The following MCTP1 variants were observed in gnomAD, a reference collection of about 807,000 sequenced individuals.
MCTP1 encodes the protein multiple C2 and transmembrane domain-containing protein 1.
Under a neutral mutation model 120.6 loss-of-function variants are expected in MCTP1, and 69 were observed. That is an observed-to-expected ratio of 0.57 (90% CI 0.47 to 0.70). MCTP1 has a LOEUF of 0.70. Ranked by LOEUF, MCTP1 falls within the 30% of genes least tolerant of loss-of-function variation. The pLI, the probability that MCTP1 is intolerant of heterozygous loss-of-function variation, is 0.00. For synonymous variants in MCTP1, 529 were observed against 493.1 expected (o/e 1.07, Z -0.96); for missense variants, 1,203 against 1,248.8 (o/e 0.96, Z 0.55).
intron 12 of MCTP1, among the ~76,000 whole-genome samples, chr5:94,880,929 C>G (rs1186919810): frequency 2.0e-5 from 3 of 152,086 alleles, no homozygotes; most frequent in Non-Finnish European, 4.4e-5. Flanking sequence ...CAGCATCTAT[C>G]ACATAGGGAA....
chr5:95,254,666 G>A (rs1000885036), intron 1 of MCTP1, among the ~76,000 whole-genome samples: 13 of 152,076 alleles, frequency 8.5e-5, no homozygotes, highest in African/African-American at 2.9e-4. Context: ...AAAAGGTTAA[G>A]ACAATAAAAT....
At chr5:94,925,190 T>C (rs1051571324) in intron 6 of MCTP1, among the ~76,000 whole-genome samples, 1 of 152,112 alleles carries the variant, frequency 6.6e-6, no homozygotes, top group Non-Finnish European at 1.5e-5. Flanking sequence ...AGTCTAATGA[T>C]AATAACAATA....
At chr5:94,848,174 G>GCTACACTT (rs1473187537) in intron 17 of MCTP1, among the ~76,000 whole-genome samples, 1 of 152,060 alleles carries the variant, frequency 6.6e-6, no homozygotes, top group Non-Finnish European at 1.5e-5. Context: ...ATGTAAATCA[G>GCTACACTT]CTACACTTAA....
intron 1 of MCTP1, among the ~76,000 whole-genome samples, chr5:95,130,970 C>T (rs182268478): frequency 3.2e-4 from 49 of 152,038 alleles, no homozygotes; most frequent in Non-Finnish European, 6.3e-4. Flanking sequence ...AGGAAAATTC[C>T]GGGACACGTT....
intron 1 of MCTP1, among the ~76,000 whole-genome samples, chr5:95,277,416 AG>A (rs1759941239): frequency 2.0e-5 from 3 of 152,264 alleles, no homozygotes; most frequent in Non-Finnish European, 4.4e-5. Flanking sequence ...TATATCTGCC[AG>A]GCTTAAAAGG....
At chr5:95,202,145 C>A (rs1429807503) in intron 1 of MCTP1, among the ~76,000 whole-genome samples, 1 of 152,118 alleles carries the variant, frequency 6.6e-6, no homozygotes, top group Non-Finnish European at 1.5e-5. Flanking sequence ...CTGCAGCTGG[C>A]TCGGGGCTCA....
chr5:95,090,783 C>T (rs965687833), intron 1 of MCTP1, among the ~76,000 whole-genome samples: 1 of 152,140 alleles, frequency 6.6e-6, no homozygotes, highest in Non-Finnish European at 1.5e-5. Context: ...TATCCAGGTC[C>T]ATGACACTCA....
intron 1 of MCTP1, chr5:95,068,956 CT>C (rs11357469): frequency 0.83 from 161,528 of 193,462 alleles, 66,155 homozygotes; most frequent in African/African-American, 0.96. Flanking sequence ...GAGCAGGTAT[CT>C]TTTTTTTTTT....
intron 12 of MCTP1, among the ~76,000 whole-genome samples, chr5:94,878,989 A>G (rs924437566): frequency 6.6e-6 from 1 of 152,058 alleles, no homozygotes; most frequent in Non-Finnish European, 1.5e-5. Context: ...GTAGCCAAGT[A>G]GAAAAGTGGA....
chr5:94,976,266 C>G (rs1828074513), intron 2 of MCTP1, among the ~76,000 whole-genome samples: 2 of 152,094 alleles, frequency 1.3e-5, no homozygotes, highest in Non-Finnish European at 1.5e-5. Flanking sequence ...CTTTAGCCAA[C>G]ATGGCAAAAC....
At chr5:95,187,750 G>A (rs1749379692) in intron 1 of MCTP1, among the ~76,000 whole-genome samples, 1 of 152,132 alleles carries the variant, frequency 6.6e-6, no homozygotes, top group Admixed American at 6.5e-5. Context: ...GTAAGAAGCA[G>A]GTGAGGATAG....
At chr5:95,019,521 GA>G in intron 1 of MCTP1, among the ~76,000 whole-genome samples, 1 of 151,832 alleles carries the variant, frequency 6.6e-6, no homozygotes, top group Non-Finnish European at 1.5e-5. Context: ...TTTTCCTATT[GA>G]TGGACATTTG....
At chr5:95,126,392 C>T (rs1460898470) in intron 1 of MCTP1, among the ~76,000 whole-genome samples, 1 of 152,144 alleles carries the variant, frequency 6.6e-6, no homozygotes, top group African/African-American at 2.4e-5. Context: ...ATAACAGCCA[C>T]AGTGAAGTAA....
intron 1 of MCTP1, among the ~76,000 whole-genome samples, chr5:95,270,703 G>C (rs458134): frequency 0.86 from 130,492 of 152,020 alleles, 56,141 homozygotes; most frequent in African/African-American, 0.92. Context: ...GCTGAGGTGG[G>C]TGGATCACTT....
chr5:94,855,032 C>A (rs1794474879), intron 17 of MCTP1, among the ~76,000 whole-genome samples: 3 of 151,738 alleles, frequency 2.0e-5, no homozygotes, highest in Admixed American at 6.6e-5. Flanking sequence ...GAAAAATGTT[C>A]TTTTCCAATG....
rs142221839 is a variant in MCTP1, at chr5:94,780,386, T to C, written c.2557-1223A>G. On this transcript the variant is annotated intron_variant, in intron 18 of 22. Coordinates refer to ENST00000515393, the MANE Select transcript of MCTP1 (RefSeq NM_024717.7). Reference sequence around the variant, plus strand: ...CATATCAGAACTCCGTTATTCCTAATAATTTTTCTCAAATATTCTAAAAGC... The same window carrying C: ...CATATCAGAACTCCGTTATTCCTAACAATTTTTCTCAAATATTCTAAAAGC... Among the ~76,000 whole-genome samples, 237 of 152,134 alleles carry C rather than the reference T, an allele frequency of 1.6e-3. 1 individual carries two copies. The highest frequency in any genetic ancestry group is 5.5e-3 in the African/African-American group (230 of 41,564).
intron 2 of MCTP1, among the ~76,000 whole-genome samples, chr5:94,959,424 A>C (rs570514656): frequency 6.6e-6 from 1 of 152,316 alleles, no homozygotes; most frequent in South Asian, 2.1e-4. Flanking sequence ...CGGCCAGGGC[A>C]ATTAGGCAAG....
chr5:94,715,234 C>CTGA (rs1278756144), intron 19 of MCTP1, among the ~76,000 whole-genome samples: 3 of 151,956 alleles, frequency 2.0e-5, no homozygotes, highest in Admixed American at 6.6e-5. Context: ...TCTGGATCCA[C>CTGA]TGATACACTA....
At chr5:94,730,591 T>G (rs1000143243) in intron 19 of MCTP1, among the ~76,000 whole-genome samples, 16 of 152,194 alleles carry the variant, frequency 1.1e-4, no homozygotes, top group Non-Finnish European at 2.9e-5. Flanking sequence ...TGCCAAAGAT[T>G]CCTGCATCAA....
Sources: allele counts gnomAD v4.1 joint callset (sites outside exome capture counted in the v4.1 genomes callset), GRCh38; gene constraint gnomAD v4.1.1; transcripts MANE v1.5; gene names NCBI Gene and HGNC (gene_info 2026-07-23, HGNC 2026-07-21).